The following PTPRD variants were observed in gnomAD, a reference collection of about 807,000 sequenced individuals.
PTPRD encodes receptor-type tyrosine-protein phosphatase delta.
PTPRD carries 34 observed loss-of-function variants against 214.5 expected under a neutral mutation model. That is an observed-to-expected ratio of 0.16 (90% CI 0.12 to 0.21). PTPRD has a LOEUF of 0.21. Ranked by LOEUF, PTPRD falls within the 10% of genes least tolerant of loss-of-function variation. The pLI is 1.00. For synonymous variants in PTPRD, 1,128 were observed against 845.7 expected (o/e 1.33, Z -5.79); for missense variants, 2,545 against 2,398.7 (o/e 1.06, Z -1.27).
chr9:9,898,541 C>G (rs1436601044), intron 5 of PTPRD, among the ~76,000 whole-genome samples: 3 of 152,046 alleles, frequency 2.0e-5, no homozygotes, highest in Admixed American at 6.6e-5. Context: ...AGATTACGCT[C>G]TAGATGCGCA....
chr9:9,527,881 A>T (rs892449704), intron 8 of PTPRD, among the ~76,000 whole-genome samples: 6 of 152,214 alleles, frequency 3.9e-5, no homozygotes, highest in African/African-American at 7.2e-5. Context: ...TCTGGCTAGA[A>T]TGTAATAACA....
intron 14 of PTPRD, among the ~76,000 whole-genome samples, chr9:8,575,555 C>T (rs948934390): frequency 3.3e-5 from 5 of 151,994 alleles, no homozygotes; most frequent in African/African-American, 7.2e-5. Flanking sequence ...TTTTACCAGA[C>T]GATAATCTAG....
intron 14 of PTPRD, among the ~76,000 whole-genome samples, chr9:8,569,170 A>C (rs2090354613): frequency 6.6e-6 from 1 of 152,040 alleles, no homozygotes; most frequent in Non-Finnish European, 1.5e-5. Flanking sequence ...GATACCCTCT[A>C]ACAAGGAGGG....
rs1276972597 is a variant in PTPRD, at chr9:8,393,534, T to A, written c.4211-4127A>T. 2.6e-5 allele frequency among the ~76,000 whole-genome samples: 4 copies of A among 152,100 alleles called. No individual in the cohort carries two copies. In the East Asian group the frequency reaches 7.7e-4, roughly 29 times the overall value. The stretch of plus-strand genomic sequence containing the variant: ...CTCATAAGCAAAATTTTAGAACACA[T>A]TGGCCCTGCTGCAGGAACTCTCTTG... On this transcript the variant is annotated intron_variant, in intron 36 of 45. Transcript: ENST00000381196.
intron 9 of PTPRD, among the ~76,000 whole-genome samples, chr9:9,348,346 G>A (rs1427793640): frequency 6.6e-6 from 1 of 152,028 alleles, no homozygotes; most frequent in Non-Finnish European, 1.5e-5. Flanking sequence ...AAATGTCTTG[G>A]CTTTCCTCCA....
At chr9:10,438,290 A>G (rs1358220990) in intron 2 of PTPRD, among the ~76,000 whole-genome samples, 1 of 151,482 alleles carries the variant, frequency 6.6e-6, no homozygotes, top group Non-Finnish European at 1.5e-5. Context: ...GAGCATCTGG[A>G]ATTATAAGGG....
At chr9:9,275,044 CATATATATATGTATATATATATTATAT>C (rs1316951695) in intron 9 of PTPRD, among the ~76,000 whole-genome samples, 1 of 94,946 alleles carries the variant, frequency 1.1e-5, no homozygotes, top group East Asian at 2.9e-4. Context: ...CCTTTGTTTC[CATATATATATGTATATATATATTATAT>C]ATATATATAT....
intron 3 of PTPRD, among the ~76,000 whole-genome samples, chr9:10,088,794 C>T (rs1042041349): frequency 6.6e-6 from 1 of 151,604 alleles, no homozygotes; most frequent in African/African-American, 2.4e-5. Flanking sequence ...AATAGCTAAT[C>T]ACAAAATATA....
At chr9:8,663,017 C>G (rs1596349266) in intron 12 of PTPRD, among the ~76,000 whole-genome samples, 1 of 152,210 alleles carries the variant, frequency 6.6e-6, no homozygotes, top group East Asian at 1.9e-4. Context: ...TTGGATAACT[C>G]TAAACTTCTC....
At chr9:10,029,801 G>T (rs535881150) in intron 4 of PTPRD, among the ~76,000 whole-genome samples, 2 of 152,294 alleles carry the variant, frequency 1.3e-5, no homozygotes, top group African/African-American at 4.8e-5. Flanking sequence ...GGTCTGTTAG[G>T]AAGACATGAT....
At chr9:9,522,641 G>T (rs2097013418) in intron 8 of PTPRD, among the ~76,000 whole-genome samples, 1 of 152,074 alleles carries the variant, frequency 6.6e-6, no homozygotes, top group African/African-American at 2.4e-5. Flanking sequence ...CTCTCTGTTG[G>T]TGTAATTTCC....
chr9:8,396,198 T>C (rs1184661066), intron 36 of PTPRD, among the ~76,000 whole-genome samples: 2 of 152,104 alleles, frequency 1.3e-5, no homozygotes, highest in Non-Finnish European at 2.9e-5. Flanking sequence ...GAGAATTAAA[T>C]GAATCAATAC....
At chr9:9,975,846 G>C (rs1011853638) in intron 4 of PTPRD, among the ~76,000 whole-genome samples, 1 of 152,112 alleles carries the variant, frequency 6.6e-6, no homozygotes, top group African/African-American at 2.4e-5. Context: ...ATTAAAGTGG[G>C]GATACTGATA....
At chr9:10,355,622 G>A (rs933233043) in intron 2 of PTPRD, among the ~76,000 whole-genome samples, 1 of 151,886 alleles carries the variant, frequency 6.6e-6, no homozygotes, top group South Asian at 2.1e-4. Flanking sequence ...GGGATTACAG[G>A]CATGCACGAC....
intron 7 of PTPRD, among the ~76,000 whole-genome samples, chr9:9,603,831 C>A (rs191976612): frequency 8.7e-5 from 12 of 137,206 alleles, no homozygotes; most frequent in African/African-American, 3.3e-4. Context: ...GAGTAAAAAT[C>A]TGTGAAATAC....
At chr9:9,841,919 T>A (rs10978026) in intron 5 of PTPRD, among the ~76,000 whole-genome samples, 23,604 of 152,038 alleles carry the variant, frequency 0.16, 3,515 homozygotes, top group East Asian at 0.74. Flanking sequence ...CTTAAATATG[T>A]TGGAAAGTAC....
intron 44 of PTPRD, among the ~76,000 whole-genome samples, chr9:8,330,005 C>T (rs896428836): frequency 6.6e-6 from 1 of 151,712 alleles, no homozygotes; most frequent in Non-Finnish European, 1.5e-5. Flanking sequence ...CACACCAAGC[C>T]AGGCACTGGA....
chr9:8,607,055 G>A (rs553307156), intron 14 of PTPRD, among the ~76,000 whole-genome samples: 15 of 152,292 alleles, frequency 9.8e-5, no homozygotes, highest in African/African-American at 3.1e-4. Flanking sequence ...TAGTTGGGAA[G>A]ACATTGGACA....
intron 11 of PTPRD, among the ~76,000 whole-genome samples, chr9:8,907,700 C>T (rs1026997043): frequency 5.3e-5 from 8 of 151,074 alleles, no homozygotes; most frequent in South Asian, 2.1e-4. Flanking sequence ...TATAATAAGA[C>T]GTGTAAGAAG....
Sources: allele counts gnomAD v4.1 joint callset (sites outside exome capture counted in the v4.1 genomes callset), GRCh38; gene constraint gnomAD v4.1.1; transcripts MANE v1.5; gene names NCBI Gene and HGNC (gene_info 2026-07-23, HGNC 2026-07-21).